The following ETV1 variants were observed in gnomAD, a reference collection of about 807,000 sequenced individuals.
The protein encoded by ETV1 is ETS translocation variant 1.
A neutral mutation model predicts 62.3 loss-of-function variants in ETV1; 27 were observed. That is an observed-to-expected ratio of 0.43 (90% CI 0.32 to 0.60). ETV1 has a LOEUF of 0.60. Ranked by LOEUF, ETV1 falls within the 20% of genes least tolerant of loss-of-function variation. ETV1 has a pLI of 0.06. For synonymous variants in ETV1, 222 were observed against 199.6 expected (o/e 1.11, Z -0.94); for missense variants, 605 against 605.8 (o/e 1.00, Z 0.01).
chr7:13,977,614 T>G (rs1048903187), intron 5 of ETV1, 134 bp from the exon 6 acceptor site: 1 of 640,388 alleles, frequency 1.6e-6, no homozygotes, highest in South Asian at 2.0e-5. Context: ...AATGAGCTCC[T>G]ATTTAAAATG....
chr7:13,922,756 C>A (rs1157220002), intron 9 of ETV1, among the ~76,000 whole-genome samples: 2 of 152,176 alleles, frequency 1.3e-5, no homozygotes, highest in African/African-American at 2.4e-5. Flanking sequence ...TGTGTTCCAT[C>A]TGACTTTAAT....
chr7:13,988,270 A>C, intron 3 of ETV1, 97 bp from the exon 4 acceptor site: 1 of 731,652 alleles, frequency 1.4e-6, no homozygotes. Flanking sequence ...ACATGCATAC[A>C]TAAGTCTAAT....
intron 9 of ETV1, among the ~76,000 whole-genome samples, chr7:13,917,334 T>A (rs940926427): frequency 7.8e-6 from 1 of 128,814 alleles, no homozygotes; most frequent in African/African-American, 2.8e-5. Flanking sequence ...TTATTTATTT[T>A]GAGACGGAGT....
chr7:13,938,554 A>T (rs913010716), intron 7 of ETV1, among the ~76,000 whole-genome samples: 1 of 152,234 alleles, frequency 6.6e-6, no homozygotes, highest in Non-Finnish European at 1.5e-5. Flanking sequence ...TTTAATGAAC[A>T]TATATGTGAT....
intron 6 of ETV1, among the ~76,000 whole-genome samples, chr7:13,946,047 G>A (rs924610752): frequency 2.0e-5 from 3 of 152,192 alleles, no homozygotes; most frequent in Non-Finnish European, 2.9e-5. Context: ...TGCGTTGTTT[G>A]TAGTTTTAAT....
chr7:13,975,431 AGCTACTCGGGAG>A (rs368787977), intron 6 of ETV1, among the ~76,000 whole-genome samples: 6 of 152,048 alleles, frequency 3.9e-5, no homozygotes, highest in African/African-American at 1.4e-4. Context: ...CTGTAGTCCC[AGCTACTCGGGAG>A]GCTGAGGCAG....
intron 6 of ETV1, chr7:13,975,137 G>C (rs1209398482): frequency 2.0e-5 from 3 of 152,190 alleles, no homozygotes; most frequent in African/African-American, 4.8e-5. Flanking sequence ...CATTTCCTCA[G>C]TCCCACTAAC....
chr7:13,946,999 C>A (rs1275076808), intron 6 of ETV1, among the ~76,000 whole-genome samples: 1 of 152,114 alleles, frequency 6.6e-6, no homozygotes, highest in Non-Finnish European at 1.5e-5. Flanking sequence ...CCATGTTGGC[C>A]AGGCTGGTCT....
chr7:13,967,921 T>C (rs1272578986), intron 6 of ETV1, among the ~76,000 whole-genome samples: 2 of 152,100 alleles, frequency 1.3e-5, no homozygotes, highest in Non-Finnish European at 2.9e-5. Flanking sequence ...CTTTTTTACA[T>C]ATCAGAATAT....
chr7:13,974,590 A>G (rs1781229300), intron 6 of ETV1, among the ~76,000 whole-genome samples: 1 of 152,240 alleles, frequency 6.6e-6, no homozygotes, highest in African/African-American at 2.4e-5. Context: ...TGTGTGAACT[A>G]AAACAATGAA....
At chr7:13,937,527 T>C (rs984993492) in intron 7 of ETV1, among the ~76,000 whole-genome samples, 4 of 152,202 alleles carry the variant, frequency 2.6e-5, no homozygotes, top group African/African-American at 9.7e-5. Context: ...TTATTATTGA[T>C]TTGTGGATGT....
chr7:13,950,936 AC>A (rs1788742245), intron 6 of ETV1, among the ~76,000 whole-genome samples: 1 of 127,452 alleles, frequency 7.8e-6, no homozygotes, highest in Non-Finnish European at 1.8e-5. Context: ...ACACACACAC[AC>A]ACACAATATC....
In ETV1 at chr7:13,989,159, C is replaced by T. The variant is rs1782833642; in HGVS notation, c.-87-20G>A. On this transcript the variant is annotated intron_variant, in intron 2 of 13. Transcript: ENST00000430479. The stretch of plus-strand genomic sequence containing the variant: ...ATCAACCTAGAGGGGAACAAGATGG[C>T]TTTTAGGCTTAAAAAAAAATCATGA... 4 of 887,946 alleles carry T rather than the reference C, an allele frequency of 4.5e-6. No homozygotes were observed. The highest frequency in any genetic ancestry group is 5.0e-6 in the Non-Finnish European group (3 of 599,442). 55.0% of individuals were successfully genotyped at this position (887,946 alleles called of 1,614,324 possible). A position where few individuals can be genotyped will look rare whatever the true frequency, so the allele number is the denominator to read the frequency against.
chr7:13,952,488 T>C (rs1788942353), intron 6 of ETV1, among the ~76,000 whole-genome samples: 1 of 152,190 alleles, frequency 6.6e-6, no homozygotes, highest in Admixed American at 6.5e-5. Flanking sequence ...CAACCAATGT[T>C]CATAATGGCA....
At chr7:13,942,994 G>T (rs1464312438) in intron 6 of ETV1, among the ~76,000 whole-genome samples, 2 of 152,002 alleles carry the variant, frequency 1.3e-5, no homozygotes. Context: ...AGGCTTCAAT[G>T]AAATTAAGAA....
intron 3 of ETV1, chr7:13,988,669 T>G (rs778657605): frequency 1.9e-6 from 3 of 1,597,512 alleles, no homozygotes; most frequent in Admixed American, 3.5e-5. Flanking sequence ...AGTGTCAGCA[T>G]TTGTCTCAAC....
chr7:13,948,265 T>C (rs1255450844), intron 6 of ETV1, among the ~76,000 whole-genome samples: 1 of 152,236 alleles, frequency 6.6e-6, no homozygotes, highest in Non-Finnish European at 1.5e-5. Context: ...TAAGTTGTCT[T>C]GGCTCTGACC....
At chr7:13,916,819 C>A (rs7785849) in intron 9 of ETV1, among the ~76,000 whole-genome samples, 38,997 of 151,466 alleles carry the variant, frequency 0.26, 5,223 homozygotes, top group East Asian at 0.38. Context: ...GTAGTGCCAG[C>A]TACTCAAGAG....
chr7:13,893,551 C>T lies in ETV1; in HGVS notation c.*2315G>A, dbSNP rs907152217. ...TTCTGCCATTGTTCTCTTGTGATAA[C>T]GTTAGCATGGCCCAATTCTTCCTCA... On this transcript the variant is annotated 3_prime_UTR_variant, in exon 14 of 14. Coordinates refer to ENST00000430479, the MANE Select transcript of ETV1 (RefSeq NM_004956.5). The T allele has an allele frequency of 3.0e-5, 7 of 231,222 alleles. No individual in the cohort carries two copies. The highest frequency in any genetic ancestry group is 8.9e-5 in the African/African-American group (4 of 45,160). 14.3% of individuals were successfully genotyped at this position (231,222 alleles called of 1,614,324 possible). A position where few individuals can be genotyped will look rare whatever the true frequency, so the allele number is the denominator to read the frequency against.
Sources: gnomAD v4.1 joint callset for allele counts (sites outside exome capture counted in the v4.1 genomes callset) on GRCh38, gnomAD v4.1.1 for gene constraint, MANE v1.5 for transcripts, NCBI Gene and HGNC (gene_info 2026-07-23, HGNC 2026-07-21) for gene names.